The following CFAP58 variants were observed in gnomAD, a reference collection of about 807,000 sequenced individuals.
CFAP58 encodes cilia- and flagella-associated protein 58.
In CFAP58, 88 loss-of-function variants were observed where a neutral mutation model predicts 119.5. That is an observed-to-expected ratio of 0.74 (90% CI 0.62 to 0.88). The LOEUF is 0.88. Among genes scored for constraint, CFAP58 ranks in the 40% least tolerant of loss-of-function variants. The pLI is 0.00. For missense variants in CFAP58, 990 were observed against 1,021.2 expected, an observed-to-expected ratio of 0.97 and a Z score of 0.42; for synonymous variants, 365 against 366.3, an observed-to-expected ratio of 1.00 and a Z score of 0.04.
intron 9 of CFAP58, among the ~76,000 whole-genome samples, chr10:104,385,908 C>G (rs562533919): frequency 6.6e-6 from 1 of 152,236 alleles, no homozygotes; most frequent in East Asian, 1.9e-4. Flanking sequence ...GAAAAATTCT[C>G]TGAGAATTTA....
chr10:104,339,238 A>G, the CFAP58 span, among the ~76,000 whole-genome samples: 10 of 152,234 alleles, frequency 6.6e-5, no homozygotes, highest in Admixed American at 6.5e-4. Context: ...TTAACCGGGC[A>G]CAAAGGAGAA....
chr10:104,372,466 C>A (rs748131160), intron 7 of CFAP58, among the ~76,000 whole-genome samples: 10 of 152,202 alleles, frequency 6.6e-5, no homozygotes, highest in Middle Eastern at 3.2e-3. Context: ...AGATGCAGTT[C>A]CAGCTTATCT....
intron 17 of CFAP58, among the ~76,000 whole-genome samples, chr10:104,453,042 T>G (rs546305965): frequency 6.6e-6 from 1 of 152,188 alleles, no homozygotes; most frequent in African/African-American, 2.4e-5. Flanking sequence ...TATAAATACA[T>G]TAAAAAGATA....
chr10:104,421,394 G>T (rs1341030331), intron 15 of CFAP58, among the ~76,000 whole-genome samples: 8 of 152,192 alleles, frequency 5.3e-5, no homozygotes, highest in African/African-American at 1.2e-4. Flanking sequence ...ACTGCTGATG[G>T]CCCAGGCCAT....
At chr10:104,381,176 G>C (rs965125187) in intron 9 of CFAP58, among the ~76,000 whole-genome samples, 1 of 151,018 alleles carries the variant, frequency 6.6e-6, no homozygotes. Flanking sequence ...CAAACAAACA[G>C]ACAAACAAAC....
intron 7 of CFAP58, 151 bp from the exon 8 acceptor site, chr10:104,376,660 T>C (rs2011672729): frequency 1.4e-5 from 8 of 571,072 alleles, no homozygotes; most frequent in Non-Finnish European, 2.5e-5. Flanking sequence ...CCTACCTCAC[T>C]TGGTTATACC....
rs2013259500 is a variant in CFAP58 at position 104,455,099 on chromosome 10, G to C, written c.*569G>C. 6.6e-6 allele frequency: 1 copy of C among 152,182 alleles called. No individual in the cohort carries two copies. The highest frequency in any genetic ancestry group is 6.5e-5 in the Admixed American group (1 of 15,268). 9.4% of individuals were successfully genotyped at this position (152,182 alleles called of 1,614,324 possible). The stretch of plus-strand genomic sequence containing the variant: ...TAAAAAATAAAAAAGAATCTTTGTA[G>C]AGATTTTGATACTTGTTTTGGTAGA... On this transcript the variant is annotated 3_prime_UTR_variant, in exon 18 of 18. Transcript: ENST00000369704.
chr10:104,398,088 C>A (rs1034100355), intron 11 of CFAP58, among the ~76,000 whole-genome samples: 2 of 152,252 alleles, frequency 1.3e-5, no homozygotes, highest in Non-Finnish European at 2.9e-5. Context: ...ACATACCCTT[C>A]CATGTTGGCA....
intron 15 of CFAP58, among the ~76,000 whole-genome samples, chr10:104,418,144 G>T (rs1322653343): frequency 6.6e-6 from 1 of 152,224 alleles, no homozygotes; most frequent in Non-Finnish European, 1.5e-5. Flanking sequence ...TTGCTTCTGT[G>T]CTACAGCAGC....
In CFAP58 at chr10:104,364,786, T is replaced by C; in HGVS notation, c.494T>C (p.Leu165Pro). The change falls in exon 4 of 18, where the codon CTC (leucine) becomes CCC (proline). Residue 165 changes from leucine to proline, a missense_variant. Leu to Pro is a moderately conservative substitution (Grantham distance 98, BLOSUM62 -3). Coordinates refer to ENST00000369704, the MANE Select transcript of CFAP58 (RefSeq NM_001008723.2). ...KEEVTKERDQ[L>P]LSEVVKLRES... ...GAAGTGACAAAGGAGAGAGACCAGC[T>C]CTTATCAGAAGTGGTAAAATTACGA... 6.2e-7 allele frequency: 1 copy of C among 1,612,038 alleles called. No individual in the cohort carries two copies. Among genetic ancestry groups the C allele is most frequent in the Non-Finnish European group, 8.5e-7 (1 of 1,179,368 alleles).
intron 9 of CFAP58, among the ~76,000 whole-genome samples, chr10:104,385,473 G>A (rs753434099): frequency 3.9e-5 from 6 of 152,252 alleles, no homozygotes; most frequent in Middle Eastern, 3.4e-3. Context: ...AAAAAAGGCA[G>A]ATTTAAAATC....
chr10:104,454,488 TGG>T lies in CFAP58; in HGVS notation c.2581_2582del (p.Gly861ArgfsTer14), dbSNP rs757523601. The T allele has an allele frequency of 3.9e-5, 63 of 1,613,802 alleles. No homozygotes were observed. The highest frequency in any genetic ancestry group is 5.1e-5 in the Non-Finnish European group (60 of 1,179,856). ...MVKPNGPGFT[G>X]GGFPLRSTKM... The stretch of plus-strand genomic sequence containing the variant: ...TCAAACCAAATGGTCCTGGTTTTAC[TGG>T]GGGCGGATTTCCTCTCAGGTCAACC... On this transcript the variant is annotated frameshift_variant, in exon 18 of 18. Coordinates refer to ENST00000369704, the MANE Select transcript of CFAP58 (RefSeq NM_001008723.2). LOFTEE classifies it high-confidence loss of function.
At chr10:104,370,653 A>C (rs1211850791) in intron 6 of CFAP58, among the ~76,000 whole-genome samples, 1 of 152,178 alleles carries the variant, frequency 6.6e-6, no homozygotes, top group Non-Finnish European at 1.5e-5. Flanking sequence ...TTGAAACAAA[A>C]TTTTTCAGTG....
chr10:104,338,943 T>C, the CFAP58 span, among the ~76,000 whole-genome samples: 1 of 151,704 alleles, frequency 6.6e-6, no homozygotes, highest in Non-Finnish European at 1.5e-5. Context: ...TTCGCTCTTG[T>C]TGCCCAGGCT....
At chr10:104,449,947 A>T in intron 16 of CFAP58, 124 bp from the exon 17 acceptor site, 1 of 917,862 alleles carries the variant, frequency 1.1e-6, no homozygotes, top group Non-Finnish European at 1.6e-6. Flanking sequence ...CATGCAGATT[A>T]ATTGTGAAAC....
At chr10:104,432,006 G>T (rs934672585) in intron 15 of CFAP58, among the ~76,000 whole-genome samples, 1 of 151,566 alleles carries the variant, frequency 6.6e-6, no homozygotes, top group Non-Finnish European at 1.5e-5. Flanking sequence ...TTTCACTATT[G>T]CAAAAGTGTT....
chr10:104,449,892 C>T (rs2013167363), intron 16 of CFAP58, among the ~76,000 whole-genome samples, 179 bp from the exon 17 acceptor site: 1 of 152,136 alleles, frequency 6.6e-6, no homozygotes, highest in Non-Finnish European at 1.5e-5. Context: ...ATCTTCAGCC[C>T]TCAGCCAGGT....
chr10:104,358,546 T>C lies in CFAP58; in HGVS notation c.215T>C (p.Val72Ala). Reference sequence around the variant, plus strand: ...TGCAGAGAGCTAAATGCAGAGATTGTAGTGAATTCTGCGAAGGTCGCCACT... The same window carrying C: ...TGCAGAGAGCTAAATGCAGAGATTGCAGTGAATTCTGCGAAGGTCGCCACT... ...AKCRELNAEIVVNSAKVATAL... is the reference protein window; with the variant it reads ...AKCRELNAEIAVNSAKVATAL... The change falls in exon 2 of 18, where the codon GTA becomes GCA. Residue 72 changes from valine to alanine, a missense_variant. By Grantham distance (64) the Val-to-Ala change is moderately conservative. Transcript: ENST00000369704. 1.9e-6 allele frequency: 3 copies of C among 1,614,094 alleles called. No homozygotes were observed. Among genetic ancestry groups the C allele is most frequent in the Non-Finnish European group, 2.5e-6 (3 of 1,179,984 alleles).
chr10:104,417,499 A>G (rs2012572806), intron 15 of CFAP58, among the ~76,000 whole-genome samples: 1 of 152,184 alleles, frequency 6.6e-6, no homozygotes. Context: ...TGCAACCAGA[A>G]TTTGAGGGAT....
Sources: allele counts gnomAD v4.1 joint callset (sites outside exome capture counted in the v4.1 genomes callset), GRCh38; gene constraint gnomAD v4.1.1; transcripts MANE v1.5; gene names NCBI Gene and HGNC (gene_info 2026-07-23, HGNC 2026-07-21).